CTTNBP2: variants seen among roughly 807,000 people sequenced by gnomAD.
CTTNBP2 encodes the protein cortactin-binding protein 2.
Under a neutral mutation model 156.9 loss-of-function variants are expected in CTTNBP2, and 108 were observed. The ratio of observed to expected loss-of-function variants is 0.69; its 90% CI spans 0.59 to 0.81. CTTNBP2 has a LOEUF of 0.81. Among genes scored for constraint, CTTNBP2 ranks in the 30% least tolerant of loss-of-function variants. The probability of loss-of-function intolerance (pLI) is 0.00; values close to 1 mark genes in which losing one functional copy is unlikely to be tolerated. For missense variants in CTTNBP2, 1,924 were observed against 2,035.4 expected, an observed-to-expected ratio of 0.95 and a Z score of 1.05; for synonymous variants, 767 against 751.8, an observed-to-expected ratio of 1.02 and a Z score of -0.33.
chr7:117,764,329 G>A (rs972647010), intron 9 of CTTNBP2, among the ~76,000 whole-genome samples: 1 of 152,064 alleles, frequency 6.6e-6, no homozygotes, highest in African/African-American at 2.4e-5. Flanking sequence ...CCTCTCCCCA[G>A]CACTGCAGAT....
Position 117,818,902 on chromosome 7 carries a change from G to A in CTTNBP2, c.190-7913C>T, listed in dbSNP as rs771640877. On this transcript the variant is annotated intron_variant, in intron 2 of 22. Coordinates refer to ENST00000160373, the MANE Select transcript of CTTNBP2 (RefSeq NM_033427.3). Reference sequence around the variant, plus strand: ...GTCAAAGCTTTTCCACAGATACAACGAGCTGCATTTGATTGGAACAAAATC... The same window carrying A: ...GTCAAAGCTTTTCCACAGATACAACAAGCTGCATTTGATTGGAACAAAATC... Among the ~76,000 whole-genome samples, 75 of 152,068 alleles carry A rather than the reference G, an allele frequency of 4.9e-4. 1 individual carries two copies. The highest frequency in any genetic ancestry group is 3.6e-4 in the African/African-American group (15 of 41,416).
In CTTNBP2 at chr7:117,792,184, A is replaced by G. The variant is rs1233646277; in HGVS notation, c.1012T>C (p.Ser338Pro). The G allele has an allele frequency of 1.2e-6, 2 of 1,614,206 alleles. No individual in the cohort carries two copies. The highest frequency in any genetic ancestry group is 1.7e-6 in the Non-Finnish European group (2 of 1,180,034). Reference protein sequence around the residue: ...VKPSTGSPLVSANAKGSVCTS... With the variant: ...VKPSTGSPLVPANAKGSVCTS... ...CACACGCTCCCTTTTGCATTTGCAGAAACTAGGGGACTCCCTGTGGAAGGT... is the reference window on the plus strand; with the variant it reads ...CACACGCTCCCTTTTGCATTTGCAGGAACTAGGGGACTCCCTGTGGAAGGT... The change falls in exon 4 of 23, where the codon TCT (serine) becomes CCT (proline). Residue 338 changes from serine to proline, a missense_variant. Coordinates refer to ENST00000160373, the MANE Select transcript of CTTNBP2 (RefSeq NM_033427.3). This position sits in a 1 kb window ranked among gnomAD's most constrained non-coding sequence, Gnocchi z 4.2.
chr7:117,808,926 A>G lies in CTTNBP2; in HGVS notation c.414+1839T>C, dbSNP rs183867591. ...AAGAGTACAAATTATAACTCTTCGC[A>G]TACACTATAATCTACTAAAATATAA... On this transcript the variant is annotated intron_variant, in intron 3 of 22. Coordinates refer to ENST00000160373, the MANE Select transcript of CTTNBP2 (RefSeq NM_033427.3). Among the ~76,000 whole-genome samples the G allele has an allele frequency of 2.3e-4, 35 of 152,316 alleles. No homozygotes were observed. In the East Asian group the frequency reaches 5.8e-3, roughly 25 times the overall value.
chr7:117,873,417 T>C lies in CTTNBP2; in HGVS notation c.-2A>G. 2.7e-6 allele frequency: 4 copies of C among 1,498,370 alleles called. No homozygotes were observed. The highest frequency in any genetic ancestry group is 1.3e-5 in the South Asian group (1 of 78,468). The allele number at this position is 1,498,370 out of a possible 1,614,324, so 92.8% of individuals were successfully genotyped here. ...GCAGCTCGCGCCGTCCGTCGCCATC[T>C]TCCTGCTCTAGCGGATCCGAATGCG... On this transcript the variant is annotated 5_prime_UTR_variant, in exon 1 of 23. Coordinates refer to ENST00000160373, the MANE Select transcript of CTTNBP2 (RefSeq NM_033427.3).
At chr7:117,729,324 T>C (rs1468836031) in intron 16 of CTTNBP2, among the ~76,000 whole-genome samples, 1 of 152,222 alleles carries the variant, frequency 6.6e-6, no homozygotes, top group Non-Finnish European at 1.5e-5. Context: ...GGCTGTATTA[T>C]GGGAAAAGTG....
chr7:117,834,904 A>C (rs1208718990), intron 2 of CTTNBP2, among the ~76,000 whole-genome samples: 1 of 152,256 alleles, frequency 6.6e-6, no homozygotes, highest in Non-Finnish European at 1.5e-5. Flanking sequence ...AAACAAAATA[A>C]TTCTGGCCCT....
rs566015453 is a variant in CTTNBP2, at chr7:117,873,352, C to T, written c.64G>A (p.Ala22Thr). The T allele has an allele frequency of 2.1e-6, 3 of 1,456,770 alleles. No individual in the cohort carries two copies. In the South Asian group the frequency reaches 4.0e-5, roughly 19 times the overall value. 90.2% of individuals were successfully genotyped at this position (1,456,770 alleles called of 1,614,324 possible). The change falls in exon 1 of 23, where the codon GCC (alanine) becomes ACC (threonine). Residue 22 changes from alanine to threonine, a missense_variant. Physicochemically the swap from Ala to Thr is moderately conservative, Grantham distance 58 (BLOSUM62 0). Coordinates refer to ENST00000160373, the MANE Select transcript of CTTNBP2 (RefSeq NM_033427.3). ...LSRAPEDAAG[A>T]AAEAAKKEFD... The stretch of plus-strand genomic sequence containing the variant: ...TCGGTTACCGCCGCCTCCGCCGCGG[C>T]CCCCGCCGCGTCCTCCGGGGCCCGG...
Position 117,742,946 on chromosome 7 carries a change from A to AT in CTTNBP2, c.3535+2884dup, listed in dbSNP as rs1180626088. ...CCTCCTGGAGATGGGGGCATGCCCC[A>AT]TTCTCCCTGCAGCCCTGCCCAGCCT... On this transcript the variant is annotated intron_variant, in intron 14 of 22. Coordinates refer to ENST00000160373, the MANE Select transcript of CTTNBP2 (RefSeq NM_033427.3). 2.6e-5 allele frequency among the ~76,000 whole-genome samples: 4 copies of AT among 152,180 alleles called. No individual in the cohort carries two copies. The East Asian group carries it at 5.8e-4, about 22-fold the overall frequency.
In CTTNBP2 at chr7:117,791,114, T is replaced by C. The variant is rs780839372; in HGVS notation, c.2068+14A>G. On this transcript the variant is annotated intron_variant, in intron 4 of 22. Transcript: ENST00000160373. The stretch of plus-strand genomic sequence containing the variant: ...ATATTCTTTAAAAAGCGTATAACAT[T>C]TCAATCCCTTTACCTGATGCTGTTA... The C allele has an allele frequency of 6.2e-7, 1 of 1,600,040 alleles. No individual in the cohort carries two copies. Among genetic ancestry groups the C allele is most frequent in the Non-Finnish European group, 8.5e-7 (1 of 1,170,312 alleles).
Position 117,792,429 on chromosome 7 carries a change from T to C in CTTNBP2, c.767A>G (p.Lys256Arg). Residue 256 changes from lysine (K) to arginine (R), a missense_variant, in exon 4 of 23, where the codon AAA (lysine) becomes AGA (arginine). Lys to Arg is a conservative substitution (Grantham distance 26). Coordinates refer to ENST00000160373, the MANE Select transcript of CTTNBP2 (RefSeq NM_033427.3). This position sits in a 1 kb window ranked among gnomAD's most constrained non-coding sequence, Gnocchi z 4.2. ...NREEAHTTDL[K>R]EEIDKMRKMI... is the part of the protein sequence containing the mutation. ...TTTCCTCATCTTGTCTATCTCCTCTTTGAGGTCAGTGGTGTGTGCTTCTTC... is the reference window on the plus strand; with the variant it reads ...TTTCCTCATCTTGTCTATCTCCTCTCTGAGGTCAGTGGTGTGTGCTTCTTC... 1 of 1,614,208 alleles carries C rather than the reference T, an allele frequency of 6.2e-7. No individual in the cohort carries two copies. Among genetic ancestry groups the C allele is most frequent in the South Asian group, 1.1e-5 (1 of 91,084 alleles).
chr7:117,741,749 T>C (rs1796028473), intron 14 of CTTNBP2, among the ~76,000 whole-genome samples: 1 of 152,236 alleles, frequency 6.6e-6, no homozygotes, highest in African/African-American at 2.4e-5. Context: ...TCTTTGTGCC[T>C]AGACATCAAT....
chr7:117,845,845 T>A (rs1292872107), intron 2 of CTTNBP2, among the ~76,000 whole-genome samples: 1 of 152,110 alleles, frequency 6.6e-6, no homozygotes, highest in Non-Finnish European at 1.5e-5. Flanking sequence ...GTGGTTTCTG[T>A]TAATTTTTTT....
chr7:117,754,925 C>T (rs1055760184), intron 12 of CTTNBP2, among the ~76,000 whole-genome samples: 2 of 152,176 alleles, frequency 1.3e-5, no homozygotes, highest in African/African-American at 4.8e-5. Context: ...GTTTTATCAT[C>T]TTAATGGATG....
chr7:117,721,030 T>C, intron 20 of CTTNBP2, 37 bp downstream of exon 20: 1 of 1,268,214 alleles, frequency 7.9e-7, no homozygotes, highest in Non-Finnish European at 1.2e-6. Flanking sequence ...TGATTTATCT[T>C]TGTTTGCTGT....
intron 2 of CTTNBP2, among the ~76,000 whole-genome samples, chr7:117,829,889 TG>T (rs925740150): frequency 5.1e-4 from 77 of 152,326 alleles, no homozygotes; most frequent in Admixed American, 1.0e-3. Context: ...TGCTTGCCTG[TG>T]AATGCACAGA....
chr7:117,840,830 T>C lies in CTTNBP2; in HGVS notation c.189+20379A>G, dbSNP rs138808252. On this transcript the variant is annotated intron_variant, in intron 2 of 22. Transcript: ENST00000160373. ...CATGAGGGACTGAAATAGCCCAGCA[T>C]GGACTCTGAAGGAAGAATGGGTCTG... Among the ~76,000 whole-genome samples, 1,133 of 152,266 alleles carry C rather than the reference T, an allele frequency of 7.4e-3. 18 individuals carry two copies. Among genetic ancestry groups the C allele is most frequent in the Non-Finnish European group, 8.9e-3 (607 of 68,018 alleles).
chr7:117,746,158 G>A (rs2116562206), intron 12 of CTTNBP2, 59 bp from the exon 13 acceptor site: 1 of 1,159,422 alleles, frequency 8.6e-7, no homozygotes, highest in Non-Finnish European at 1.3e-6. Context: ...AGAGAAAAAA[G>A]TGGTACACAG....
At chr7:117,758,112 G>A (rs1796989716) in intron 10 of CTTNBP2, 142 bp from the exon 11 acceptor site, 1 of 604,222 alleles carries the variant, frequency 1.7e-6, no homozygotes. Flanking sequence ...ACACATATAG[G>A]GCCACACAAG....
chr7:117,717,138 G>A (rs1794443435), intron 22 of CTTNBP2, among the ~76,000 whole-genome samples: 1 of 152,160 alleles, frequency 6.6e-6, no homozygotes, highest in Non-Finnish European at 1.5e-5. Flanking sequence ...ACCATGCTGT[G>A]CCAGCTCTTG....
Sources: allele counts gnomAD v4.1 joint callset (sites outside exome capture counted in the v4.1 genomes callset), GRCh38; gene constraint gnomAD v4.1.1; non-coding constraint Gnocchi (gnomAD v3.1); transcripts MANE v1.5; gene names NCBI Gene and HGNC (gene_info 2026-07-23, HGNC 2026-07-21).